The following TMEM65 variants were observed in gnomAD, a reference collection of about 807,000 sequenced individuals.
The protein encoded by TMEM65 is transmembrane protein 65.
TMEM65 carries 22 observed loss-of-function variants against 25.4 expected under a neutral mutation model. The observed-to-expected ratio is 0.86, with a 90% CI of 0.62 to 1.23. The LOEUF (loss-of-function observed/expected upper bound fraction) is 1.23. Among genes scored for constraint, TMEM65 ranks in the 50% most tolerant of loss-of-function variants. The pLI, the probability that TMEM65 is intolerant of heterozygous loss-of-function variation, is 0.00. For synonymous variants in TMEM65, 132 were observed against 126.2 expected (o/e 1.05, Z -0.31); for missense variants, 262 against 308.2 (o/e 0.85, Z 1.12).
intron 1 of TMEM65, among the ~76,000 whole-genome samples, chr8:124,354,737 G>A (rs1397391797): frequency 6.6e-6 from 1 of 152,132 alleles, no homozygotes; most frequent in Non-Finnish European, 1.5e-5. Flanking sequence ...GCCCAAGCCT[G>A]CTTCTTTCCC....
intron 1 of TMEM65, among the ~76,000 whole-genome samples, chr8:124,359,319 A>C (rs1452141174): frequency 6.6e-6 from 1 of 152,230 alleles, no homozygotes; most frequent in African/African-American, 2.4e-5. Flanking sequence ...GGAAGCAGCA[A>C]ACACTTAAAG....
intron 1 of TMEM65, among the ~76,000 whole-genome samples, chr8:124,359,988 C>T (rs1219679246): frequency 3.3e-5 from 5 of 152,120 alleles, no homozygotes; most frequent in Admixed American, 1.3e-4. Flanking sequence ...TCCTTAATGG[C>T]CTTCACCCTA....
intron 1 of TMEM65, among the ~76,000 whole-genome samples, chr8:124,347,362 C>T (rs1228168860): frequency 6.6e-6 from 1 of 151,974 alleles, no homozygotes; most frequent in South Asian, 2.1e-4. Context: ...GCAACATATA[C>T]CTTATGTAGG....
intron 1 of TMEM65, among the ~76,000 whole-genome samples, chr8:124,371,237 T>G (rs1053844699): frequency 3.9e-5 from 6 of 152,226 alleles, no homozygotes; most frequent in Non-Finnish European, 7.3e-5. Flanking sequence ...GAGTTTAACT[T>G]GAATCTGTCT....
In TMEM65 at chr8:124,353,365, G is replaced by A. The variant is rs191033385; in HGVS notation, c.304+18489C>T. ...CATCAGAGAATGGAGTTAGAAATAC[G>A]GAAAGTGAGAAAACTAGAACATGCC... On this transcript the variant is annotated intron_variant, in intron 1 of 6. Coordinates refer to ENST00000297632, the MANE Select transcript of TMEM65 (RefSeq NM_194291.3). 9.5e-3 allele frequency among the ~76,000 whole-genome samples: 1,447 copies of A among 152,074 alleles called. 31 individuals are homozygous for A. The highest frequency in any genetic ancestry group is 0.017 in the Middle Eastern group (5 of 294).
chr8:124,339,721 T>C (rs894287361), intron 1 of TMEM65, among the ~76,000 whole-genome samples: 9 of 151,948 alleles, frequency 5.9e-5, no homozygotes, highest in African/African-American at 2.2e-4. Context: ...TTGGATTGGA[T>C]TGGATCCAGT....
intron 1 of TMEM65, among the ~76,000 whole-genome samples, chr8:124,334,262 A>T (rs1382672674): frequency 6.6e-6 from 1 of 152,228 alleles, no homozygotes; most frequent in Non-Finnish European, 1.5e-5. Flanking sequence ...CCATTTTCAG[A>T]AGACAATACA....
At chr8:124,370,756 T>C (rs936678424) in intron 1 of TMEM65, among the ~76,000 whole-genome samples, 2 of 152,336 alleles carry the variant, frequency 1.3e-5, no homozygotes, top group Admixed American at 6.5e-5. Context: ...GCTAAAGATA[T>C]ACTTTCAAGT....
intron 1 of TMEM65, among the ~76,000 whole-genome samples, chr8:124,355,741 A>G (rs1169821550): frequency 6.6e-6 from 1 of 152,254 alleles, no homozygotes; most frequent in African/African-American, 2.4e-5. Flanking sequence ...AGAGCAATCA[A>G]CTGGCCCTAA....
rs1004119259 is a variant in TMEM65, at chr8:124,372,152, G to A, written c.6C>T (p.Ser2=). Residue 2 remains serine, a synonymous_variant, in exon 1 of 7, where the codon TCC becomes TCT. Transcript: ENST00000297632. M[S]RLLPLLRSRT... The stretch of plus-strand genomic sequence containing the variant: ...GGCTCCTCAGCAGCGGCAGCAGCCG[G>A]GACATGGCGAGCTGAGGAGCTGGGA... 1.2e-5 allele frequency: 15 copies of A among 1,270,434 alleles called. No individual in the cohort carries two copies. The African/African-American group carries it at 2.4e-4, about 21-fold the overall frequency. 78.7% of individuals were successfully genotyped at this position (1,270,434 alleles called of 1,614,324 possible). A position where few individuals can be genotyped will look rare whatever the true frequency, so the allele number is the denominator to read the frequency against.
At chr8:124,330,727 T>C in intron 2 of TMEM65, 21 bp downstream of exon 2, 1 of 1,591,246 alleles carries the variant, frequency 6.3e-7, no homozygotes, top group East Asian at 2.3e-5. Flanking sequence ...AACATATATT[T>C]AACAATTATA....
At chr8:124,362,344 T>C (rs1047878669) in intron 1 of TMEM65, among the ~76,000 whole-genome samples, 2 of 151,878 alleles carry the variant, frequency 1.3e-5, no homozygotes, top group Non-Finnish European at 2.9e-5. Context: ...TAAATTAATA[T>C]AGCAAGGTGG....
At chr8:124,371,825 C>A (rs959359529) in intron 1 of TMEM65, 29 bp downstream of exon 1, 6 of 1,494,344 alleles carry the variant, frequency 4.0e-6, no homozygotes, top group Non-Finnish European at 8.9e-7. Flanking sequence ...TCGGGGCCCC[C>A]GGGCTCGCCC....
chr8:124,332,399 A>G (rs572928792), intron 1 of TMEM65, among the ~76,000 whole-genome samples: 15 of 152,296 alleles, frequency 9.8e-5, no homozygotes, highest in Admixed American at 2.0e-4. Flanking sequence ...GTAGAATGAG[A>G]GTATATGGAG....
intron 1 of TMEM65, among the ~76,000 whole-genome samples, chr8:124,367,306 T>G (rs1249843508): frequency 6.6e-6 from 1 of 152,014 alleles, no homozygotes; most frequent in Admixed American, 6.6e-5. Flanking sequence ...AAACCCCACC[T>G]CTACTAAAAA....
At chr8:124,340,200 A>C (rs999145600) in intron 1 of TMEM65, among the ~76,000 whole-genome samples, 1 of 152,174 alleles carries the variant, frequency 6.6e-6, no homozygotes, top group Non-Finnish European at 1.5e-5. Flanking sequence ...TAATAAATTC[A>C]TGAGTGTTGT....
chr8:124,353,972 T>G (rs1473006899), intron 1 of TMEM65, among the ~76,000 whole-genome samples: 1 of 152,150 alleles, frequency 6.6e-6, no homozygotes, highest in Non-Finnish European at 1.5e-5. Context: ...ACGTCCAAAG[T>G]TAACATCACC....
rs555728520 is a variant in TMEM65, at chr8:124,311,212, A to C, written c.*2748T>G. Reference sequence around the variant, plus strand: ...CTCTTCACTCATACGCTGATGTTGTATCTCAGGTGCAGATTCCAGGGAGGT... The same window carrying C: ...CTCTTCACTCATACGCTGATGTTGTCTCTCAGGTGCAGATTCCAGGGAGGT... On this transcript the variant is annotated 3_prime_UTR_variant, in exon 7 of 7. Coordinates refer to ENST00000297632, the MANE Select transcript of TMEM65 (RefSeq NM_194291.3). 1 of 152,378 alleles carries C rather than the reference A, an allele frequency of 6.6e-6. No individual in the cohort carries two copies. The highest frequency in any genetic ancestry group is 2.4e-5 in the African/African-American group (1 of 41,572). The allele number at this position is 152,378 out of a possible 1,614,324, so 9.4% of individuals were successfully genotyped here.
chr8:124,371,254 T>A (rs1334018556), intron 1 of TMEM65, among the ~76,000 whole-genome samples: 1 of 152,224 alleles, frequency 6.6e-6, no homozygotes, highest in African/African-American at 2.4e-5. Flanking sequence ...GTCTTTCCAT[T>A]TCTGGAGAAA....
Sources: gnomAD v4.1 joint callset for allele counts (sites outside exome capture counted in the v4.1 genomes callset) on GRCh38, gnomAD v4.1.1 for gene constraint, MANE v1.5 for transcripts, NCBI Gene and HGNC (gene_info 2026-07-23, HGNC 2026-07-21) for gene names.